TAF1: variants seen among roughly 807,000 people sequenced by gnomAD.
TAF1 encodes TATA-box binding protein associated factor 1.
In TAF1, 2 loss-of-function variants were observed where a neutral mutation model predicts 138.5. That is an observed-to-expected ratio of 0.01 (90% CI 0.01 to 0.05). The LOEUF (loss-of-function observed/expected upper bound fraction) is 0.05. Ranked by LOEUF, TAF1 falls within the 10% of genes least tolerant of loss-of-function variation. The pLI is 1.00. For missense variants in TAF1, 709 were observed against 1,478.0 expected, an observed-to-expected ratio of 0.48 and a Z score of 8.53; for synonymous variants, 437 against 503.2, an observed-to-expected ratio of 0.87 and a Z score of 1.76.
chrX:71,530,363 C>G (rs1485250938), downstream of TAF1: 1 of 111,643 alleles, frequency 9.0e-6, no homozygotes, highest in Non-Finnish European at 1.9e-5. Context: ...TGGTGGGTTC[C>G]TGGTCTCGCT....
intron 32 of TAF1, among the ~76,000 whole-genome samples, chrX:71,433,987 C>T: frequency 8.9e-6 from 1 of 112,092 alleles, no homozygotes; most frequent in East Asian, 2.8e-4. Context: ...TTCCTACTAT[C>T]AGGCGATATA....
chrX:71,491,995 T>C (rs1193206222), intron 13 of TAF1: 1 of 112,681 alleles, frequency 8.9e-6, no homozygotes, highest in Non-Finnish European at 1.9e-5. Context: ...ATATACATTT[T>C]ACACTTCCTG....
intron 34 of TAF1, among the ~76,000 whole-genome samples, chrX:71,457,186 C>T (rs1434483619): frequency 8.9e-6 from 1 of 111,920 alleles, no homozygotes; most frequent in Non-Finnish European, 1.9e-5. Context: ...TCTCCAAAAC[C>T]CTCTTCTGAA....
At chrX:71,492,637 C>T (rs774639302) in intron 13 of TAF1, 34 of 122,975 alleles carry the variant, frequency 2.8e-4, no homozygotes, top group Non-Finnish European at 5.5e-4. Flanking sequence ...TCTGATCGCC[C>T]GGCTCCTAGC....
intron 13 of TAF1, among the ~76,000 whole-genome samples, chrX:71,473,663 C>G (rs1194178460): frequency 9.1e-6 from 1 of 109,723 alleles, no homozygotes; most frequent in Non-Finnish European, 1.9e-5. Context: ...ACATTCCAGC[C>G]TGGGCAACAG....
At chrX:71,416,278 T>C (rs1602598188) in intron 28 of TAF1, among the ~76,000 whole-genome samples, 1 of 75,503 alleles carries the variant, frequency 1.3e-5, no homozygotes, top group African/African-American at 4.7e-5. Flanking sequence ...CCCAGCTACT[T>C]GGGATGCTGA....
At chrX:71,477,251 C>A (rs1378939139) in intron 13 of TAF1, among the ~76,000 whole-genome samples, 2 of 109,872 alleles carry the variant, frequency 1.8e-5, no homozygotes, top group African/African-American at 6.6e-5. Flanking sequence ...AATTTTAGAT[C>A]TTTTAGGAGA....
In TAF1 at chrX:71,387,481, G is replaced by T. The variant is rs772468692; in HGVS notation, c.2427+20G>T. The T allele has an allele frequency of 8.3e-7, 1 of 1,209,958 alleles. No individual in the cohort carries two copies. Among genetic ancestry groups the T allele is most frequent in the Non-Finnish European group, 1.1e-6 (1 of 893,926 alleles). On this transcript the variant is annotated intron_variant, in intron 15 of 37. Transcript: ENST00000423759. ...CTACAGGTAAGAATGGGAGGATAGG[G>T]AGGGGATTGGGTTGTATACAGAAAG... is the stretch of plus-strand genomic sequence containing the variant.
At chrX:71,494,387 C>G (rs931565969) in intron 13 of TAF1, among the ~76,000 whole-genome samples, 1 of 111,027 alleles carries the variant, frequency 9.0e-6, no homozygotes, top group Non-Finnish European at 1.9e-5. Context: ...TGTGCCACTG[C>G]ACTCCAGCCT....
intron 13 of TAF1, among the ~76,000 whole-genome samples, chrX:71,505,564 G>A (rs769520156): frequency 7.1e-5 from 8 of 112,187 alleles, no homozygotes; most frequent in Non-Finnish European, 1.1e-4. Flanking sequence ...TCTCAATTGA[G>A]GGATATTCTT....
Position 71,393,984 on chromosome X carries a change from T to A in TAF1, c.3228-83T>A, listed in dbSNP as rs910378707. The stretch of plus-strand genomic sequence containing the variant: ...TTAGTGGATTTTGAGTATGCCTTTT[T>A]AAGGTTGATTTCCCAATTTTTTACT... On this transcript the variant is annotated intron_variant, in intron 21 of 37. Coordinates refer to ENST00000423759, the MANE Select transcript of TAF1 (RefSeq NM_004606.5). 5.9e-6 allele frequency: 6 copies of A among 1,009,690 alleles called. No individual in the cohort carries two copies. In the African/African-American group the frequency reaches 1.2e-4, roughly 19 times the overall value. 83.2% of individuals were successfully genotyped at this position (1,009,690 alleles called of 1,213,427 possible). A position where few individuals can be genotyped will look rare whatever the true frequency, so the allele number is the denominator to read the frequency against.
chrX:71,375,356 A>G, intron 4 of TAF1, 70 bp downstream of exon 4: 1 of 1,129,938 alleles, frequency 8.9e-7, no homozygotes, highest in Non-Finnish European at 1.2e-6. Context: ...TGTGGCACAC[A>G]CATAAGGGAC....
chrX:71,370,504 TC>T (rs773852853), intron 3 of TAF1, among the ~76,000 whole-genome samples: 69 of 111,189 alleles, frequency 6.2e-4, no homozygotes, highest in African/African-American at 2.3e-3. Context: ...GTGCCACCAC[TC>T]CCGGCTAATT....
intron 13 of TAF1, among the ~76,000 whole-genome samples, chrX:71,513,749 G>A (rs1339744060): frequency 1.8e-5 from 2 of 111,575 alleles, no homozygotes; most frequent in South Asian, 3.8e-4. Flanking sequence ...AGCCAGGTGA[G>A]GTGGTGCATG....
exon 15 of TAF1, chrX:71,529,820 T>C: frequency 6.2e-6 from 2 of 322,025 alleles, no homozygotes; most frequent in Non-Finnish European, 1.2e-5. Flanking sequence ...TCTCCTTAGT[T>C]TGTAAGCCAA....
chrX:71,402,064 A>G (rs1285731251), intron 25 of TAF1, among the ~76,000 whole-genome samples: 1 of 111,912 alleles, frequency 8.9e-6, no homozygotes, highest in Admixed American at 9.5e-5. Flanking sequence ...AGTAGATGTC[A>G]GTTATCTCTT....
chrX:71,440,680 A>C (rs2037367557), intron 32 of TAF1, among the ~76,000 whole-genome samples: 1 of 111,239 alleles, frequency 9.0e-6, no homozygotes, highest in South Asian at 3.8e-4. Context: ...ACCATTTTAC[A>C]TTCCCACCAG....
At chrX:71,430,402 AAAAG>A (rs1399649999) in intron 32 of TAF1, among the ~76,000 whole-genome samples, 1 of 110,780 alleles carries the variant, frequency 9.0e-6, no homozygotes, top group Non-Finnish European at 1.9e-5. Flanking sequence ...AAAAAAAAAA[AAAAG>A]GCACATCTAT....
In TAF1 at chrX:71,460,666, A is replaced by G. The variant is rs1447660315; in HGVS notation, c.5262A>G (p.Gly1754=). Residue 1754 remains glycine, a synonymous_variant, in exon 37 of 38, where the codon GGA becomes GGG. Coordinates refer to ENST00000423759, the MANE Select transcript of TAF1 (RefSeq NM_004606.5). ...LSESGSDSDV[G]SGGIRPKQPR... ...AAAGTGGAAGTGACTCTGATGTGGG[A>G]TCTGGTGGAATAAGACCCAAACAAC... 2 of 1,209,741 alleles carry G rather than the reference A, an allele frequency of 1.7e-6. No individual in the cohort carries two copies. The highest frequency in any genetic ancestry group is 3.5e-5 in the African/African-American group (2 of 57,217).
Sources: allele counts gnomAD v4.1 joint callset (sites outside exome capture counted in the v4.1 genomes callset), GRCh38; gene constraint gnomAD v4.1.1; transcripts MANE v1.5; gene names NCBI Gene and HGNC (gene_info 2026-07-23, HGNC 2026-07-21).